The following RANBP2 variants were observed in gnomAD, a reference collection of about 807,000 sequenced individuals.
RANBP2 encodes RAN binding protein 2.
RANBP2 carries 57 observed loss-of-function variants against 303.6 expected under a neutral mutation model. That is an observed-to-expected ratio of 0.19 (90% CI 0.15 to 0.23). The LOEUF (loss-of-function observed/expected upper bound fraction) is 0.23, where lower values mean the gene tolerates loss of function less well. Ranked by LOEUF, RANBP2 falls within the 10% of genes least tolerant of loss-of-function variation. The pLI is 1.00. For missense variants in RANBP2, 3,138 were observed against 3,780.8 expected (o/e 0.83, Z 4.46); for synonymous variants, 1,167 against 1,301.5 (o/e 0.90, Z 2.23).
At chr2:109,078,115 T>TGG in the RANBP2 span, among the ~76,000 whole-genome samples, 1 of 80,222 alleles carries the variant, frequency 1.2e-5, no homozygotes, top group Non-Finnish European at 2.4e-5. Context: ...TATATATATA[T>TGG]ATAGCGTGTA....
At chr2:109,223,092 C>T in the RANBP2 span, among the ~76,000 whole-genome samples, 10 of 152,262 alleles carry the variant, frequency 6.6e-5, no homozygotes, top group African/African-American at 2.4e-4. Flanking sequence ...GATGCTTCTC[C>T]ATCCCAGACA....
the RANBP2 span, among the ~76,000 whole-genome samples, chr2:109,165,866 G>A: frequency 6.6e-6 from 1 of 152,240 alleles, no homozygotes; most frequent in African/African-American, 2.4e-5. Context: ...TGCTCTACGT[G>A]TGCCCAGGCT....
At chr2:109,094,994 A>G in the RANBP2 span, among the ~76,000 whole-genome samples, 3 of 152,242 alleles carry the variant, frequency 2.0e-5, 1 homozygote, top group South Asian at 6.2e-4. Flanking sequence ...GTAAAATAAA[A>G]TGTCTTCGAA....
At chr2:108,958,323 C>T in the RANBP2 span, among the ~76,000 whole-genome samples, 291 of 152,090 alleles carry the variant, frequency 1.9e-3, 1 homozygote, top group African/African-American at 6.4e-3. Context: ...TACTTCAGCT[C>T]GTAACGACCA....
the RANBP2 span, among the ~76,000 whole-genome samples, chr2:109,633,247 G>A: frequency 4.6e-5 from 7 of 152,084 alleles, no homozygotes; most frequent in African/African-American, 1.7e-4. Flanking sequence ...ACACAGATTA[G>A]CCGGACGTGG....
the RANBP2 span, among the ~76,000 whole-genome samples, chr2:109,724,343 A>C: frequency 6.6e-6 from 1 of 152,190 alleles, no homozygotes; most frequent in African/African-American, 2.4e-5. Flanking sequence ...CATTGCATCT[A>C]TAAATTACTT....
the RANBP2 span, among the ~76,000 whole-genome samples, chr2:109,291,549 C>T: frequency 2.3e-3 from 357 of 152,318 alleles, 1 homozygote; most frequent in African/African-American, 8.2e-3. Context: ...CTGCAGCCGG[C>T]GATGCCCTTG....
At chr2:109,126,215 T>C in the RANBP2 span, among the ~76,000 whole-genome samples, 1 of 152,066 alleles carries the variant, frequency 6.6e-6, no homozygotes, top group Non-Finnish European at 1.5e-5. Context: ...TCTGGGTGCA[T>C]AGTCTGTGTG....
chr2:109,643,993 C>G, the RANBP2 span, among the ~76,000 whole-genome samples: 1 of 148,768 alleles, frequency 6.7e-6, no homozygotes, highest in South Asian at 2.2e-4. Flanking sequence ...TGGTGGCAGG[C>G]GCCTGCAATC....
At chr2:109,122,746 C>A in the RANBP2 span, among the ~76,000 whole-genome samples, 1 of 152,108 alleles carries the variant, frequency 6.6e-6, no homozygotes, top group Admixed American at 6.5e-5. Flanking sequence ...TGGCATGTGC[C>A]TGTGGTCCCA....
At chr2:108,834,604 A>G in the RANBP2 span, among the ~76,000 whole-genome samples, 12 of 152,242 alleles carry the variant, frequency 7.9e-5, no homozygotes, top group African/African-American at 2.9e-4. Context: ...TAAAATATGC[A>G]TAGCTTAATA....
At chr2:109,640,226 C>T in the RANBP2 span, among the ~76,000 whole-genome samples, 119 of 151,406 alleles carry the variant, frequency 7.9e-4, no homozygotes, top group East Asian at 0.018. Context: ...CCAAGGCGGG[C>T]GGATCACCTG....
At chr2:109,342,236 G>A in the RANBP2 span, among the ~76,000 whole-genome samples, 18 of 152,330 alleles carry the variant, frequency 1.2e-4, no homozygotes, top group East Asian at 3.5e-3. Context: ...GCTGCTATTA[G>A]CAATAGGATC....
chr2:108,852,148 ATAT>A, the RANBP2 span, among the ~76,000 whole-genome samples: 1 of 152,246 alleles, frequency 6.6e-6, no homozygotes. Flanking sequence ...TGAGATGTCA[ATAT>A]TATTATTGTA....
chr2:108,737,757 A>C (rs1454646970), intron 6 of RANBP2, among the ~76,000 whole-genome samples: 1 of 139,240 alleles, frequency 7.2e-6, no homozygotes. Context: ...TCTGTCACCC[A>C]GGCTGGAGTA....
the RANBP2 span, among the ~76,000 whole-genome samples, chr2:108,853,882 T>C: frequency 1.6e-5 from 2 of 123,288 alleles, no homozygotes; most frequent in South Asian, 4.4e-4. Context: ...CTATATAATA[T>C]ATTATATAGT....
the RANBP2 span, among the ~76,000 whole-genome samples, chr2:109,702,584 A>G: frequency 6.6e-6 from 1 of 152,132 alleles, no homozygotes; most frequent in Non-Finnish European, 1.5e-5. Context: ...GGGATAACAA[A>G]CCACCAACCA....
chr2:109,030,279 A>G, the RANBP2 span, among the ~76,000 whole-genome samples: 1 of 151,810 alleles, frequency 6.6e-6, no homozygotes, highest in Non-Finnish European at 1.5e-5. Flanking sequence ...TACCTTCAAC[A>G]TTTTCCCACT....
intron 4 of RANBP2, 117 bp downstream of exon 4, chr2:108,731,591 A>C (rs1695172884): frequency 6.4e-7 from 1 of 1,562,206 alleles, no homozygotes; most frequent in Non-Finnish European, 8.6e-7. Context: ...TTCCTTTAAA[A>C]ATTTTCTTTT....
Sources: allele counts gnomAD v4.1 joint callset (sites outside exome capture counted in the v4.1 genomes callset), GRCh38; gene constraint gnomAD v4.1.1; transcripts MANE v1.5; gene names NCBI Gene and HGNC (gene_info 2026-07-23, HGNC 2026-07-21).